CCDC47: variants seen among roughly 807,000 people sequenced by gnomAD.
The protein encoded by CCDC47 is coiled-coil domain containing 47, also known as PAT complex subunit CCDC47.
In CCDC47, 41 loss-of-function variants were observed where a neutral mutation model predicts 60.5. The ratio of observed to expected loss-of-function variants is 0.68; its 90% CI spans 0.53 to 0.88. CCDC47 has a LOEUF of 0.88. CCDC47 is among the 40% of genes least tolerant of loss of function. The pLI, the probability that CCDC47 is intolerant of heterozygous loss-of-function variation, is 0.00. For missense variants in CCDC47, 513 were observed against 580.9 expected (o/e 0.88, Z 1.20); for synonymous variants, 195 against 190.7 (o/e 1.02, Z -0.18).
chr17:63,771,045 G>GAAGGAAGAAGAAAGA (rs759971442), intron 1 of CCDC47, among the ~76,000 whole-genome samples: 4 of 97,822 alleles, frequency 4.1e-5, no homozygotes, highest in South Asian at 4.0e-4. Context: ...AGGAAGGAAG[G>GAAGGAAGAAGAAAGA]AAGAAAGAAA....
chr17:63,756,700 A>T (rs2039210192), intron 6 of CCDC47, 130 bp from the exon 7 acceptor site: 3 of 632,102 alleles, frequency 4.7e-6, no homozygotes, highest in Non-Finnish European at 8.4e-6. Context: ...GGGATTTGCA[A>T]ATATGATGGA....
chr17:63,750,121 G>C (rs978125489), intron 12 of CCDC47, among the ~76,000 whole-genome samples: 1 of 151,996 alleles, frequency 6.6e-6, no homozygotes, highest in East Asian at 1.9e-4. Context: ...GATTTACATC[G>C]ACAAGAAGCT....
At position 63,752,371 on chromosome 17, in the gene CCDC47, G is replaced by C. The variant is rs2039173735; in HGVS notation, c.1152C>G (p.Asn384Lys). ...CTTTATCAATAGAATAAATCACCAT[G>C]TTCATCAGGGGTAGCAGTGCCTCCA... ...KDMEALLPLMNMVIYSIDKAK... is the reference protein window; with the variant it reads ...KDMEALLPLMKMVIYSIDKAK... The change falls in exon 11 of 13, where the codon AAC becomes AAG. Residue 384 changes from asparagine (N) to lysine (K), a missense_variant. By Grantham distance (94) the Asn-to-Lys change is moderately conservative. Transcript: ENST00000225726. 1 of 1,613,888 alleles carries C rather than the reference G, an allele frequency of 6.2e-7. No homozygotes were observed. The highest frequency in any genetic ancestry group is 1.3e-5 in the African/African-American group (1 of 74,912).
chr17:63,764,370 ATTCT>A (rs2039282506), intron 3 of CCDC47, among the ~76,000 whole-genome samples, 180 bp from the exon 4 acceptor site: 1 of 152,190 alleles, frequency 6.6e-6, no homozygotes. Context: ...TTGATAAAAG[ATTCT>A]TTAAGGAAAT....
chr17:63,761,846 T>C, intron 4 of CCDC47: 1 of 970,202 alleles, frequency 1.0e-6, no homozygotes, highest in Non-Finnish European at 1.2e-6. Context: ...GTTTTACTTT[T>C]AAAACTATTG....
intron 6 of CCDC47, among the ~76,000 whole-genome samples, chr17:63,757,524 G>C: frequency 6.6e-6 from 1 of 152,048 alleles, no homozygotes; most frequent in East Asian, 1.9e-4. Flanking sequence ...TAAAACCCTA[G>C]AGGACCCACT....
At chr17:63,759,508 A>T (rs865879708) in intron 6 of CCDC47, among the ~76,000 whole-genome samples, 762 of 19,622 alleles carry the variant, frequency 0.039, 85 homozygotes, top group South Asian at 0.069. Flanking sequence ...AAAAAAAAAA[A>T]ATATATATAT....
At position 63,759,541 on chromosome 17, in the gene CCDC47, A is replaced by ATC. The variant is rs1372862445; in HGVS notation, c.735+1372_735+1373insGA. On this transcript the variant is annotated intron_variant, in intron 6 of 12. Coordinates refer to ENST00000225726, the MANE Select transcript of CCDC47 (RefSeq NM_020198.3). ...TATATATATATTTATATATATATAT[A>ATC]TATATATATATATATATATATATAT... Among the ~76,000 whole-genome samples the ATC allele has an allele frequency of 1.9e-4, 9 of 47,610 alleles. 1 individual carries two copies. Among genetic ancestry groups the ATC allele is most frequent in the Non-Finnish European group, 1.2e-4 (3 of 25,850 alleles). 31.2% of individuals were successfully genotyped at this position (47,610 alleles called of 152,430 possible).
intron 6 of CCDC47, among the ~76,000 whole-genome samples, chr17:63,757,054 C>A (rs2039212736): frequency 6.6e-6 from 1 of 151,724 alleles, no homozygotes; most frequent in South Asian, 2.1e-4. Flanking sequence ...TGAGACCAGA[C>A]CCGATCTCTA....
At chr17:63,765,050 G>T in intron 2 of CCDC47, 1 of 676,524 alleles carries the variant, frequency 1.5e-6, no homozygotes. Context: ...GTGCAGCAAG[G>T]TGACTACAGT....
At chr17:63,766,714 T>G in intron 1 of CCDC47, 1 of 538,098 alleles carries the variant, frequency 1.9e-6, no homozygotes, top group South Asian at 8.2e-5. Context: ...TGTGAGCCAC[T>G]GTGCCCAGCC....
intron 12 of CCDC47, among the ~76,000 whole-genome samples, chr17:63,749,151 A>C (rs1051107397): frequency 6.6e-6 from 1 of 152,090 alleles, no homozygotes; most frequent in African/African-American, 2.4e-5. Flanking sequence ...TCACGCCTGT[A>C]ATCCCAGCAC....
In CCDC47 at chr17:63,748,769, T is replaced by G. The variant is rs1052463765; in HGVS notation, c.1372-1808A>C. Among the ~76,000 whole-genome samples, 5 of 151,870 alleles carry G rather than the reference T, an allele frequency of 3.3e-5. No homozygotes were observed. The East Asian group carries it at 5.9e-4, about 18-fold the overall frequency. On this transcript the variant is annotated intron_variant, in intron 12 of 12. Transcript: ENST00000225726. ...ATGTGGTGAAACCTCGCCTACACTT[T>G]GGGAGGCTGAGGTGGGTGGATTACT...
chr17:63,773,291 G>T (rs1444932214), intron 1 of CCDC47, 121 bp downstream of exon 1: 1 of 152,356 alleles, frequency 6.6e-6, no homozygotes, highest in Non-Finnish European at 1.5e-5. Context: ...AGCTCCGTGG[G>T]AAAGTTCCCC....
At chr17:63,759,785 G>A (rs923064983) in intron 6 of CCDC47, among the ~76,000 whole-genome samples, 1 of 151,054 alleles carries the variant, frequency 6.6e-6, no homozygotes, top group African/African-American at 2.4e-5. Context: ...GAATGAAGAG[G>A]CCGGGTGCAG....
At chr17:63,761,774 A>G (rs978743656) in intron 4 of CCDC47, 5 of 955,194 alleles carry the variant, frequency 5.2e-6, no homozygotes, top group Non-Finnish European at 6.2e-6. Context: ...GCTTCAGAGT[A>G]GCAATACTTT....
chr17:63,747,292 T>C (rs997672163), intron 12 of CCDC47: 5 of 984,688 alleles, frequency 5.1e-6, no homozygotes, highest in East Asian at 1.1e-4. Flanking sequence ...ATGTTCACCA[T>C]ACCATTCATG....
intron 6 of CCDC47, among the ~76,000 whole-genome samples, chr17:63,757,783 T>C (rs1268917793): frequency 1.3e-5 from 2 of 152,204 alleles, no homozygotes; most frequent in African/African-American, 2.4e-5. Context: ...CCTTTGAATT[T>C]CCTGAATAAC....
Position 63,752,055 on chromosome 17 carries a change from T to C in CCDC47, c.1256A>G (p.Lys419Arg). 1.2e-6 allele frequency: 2 copies of C among 1,613,896 alleles called. No homozygotes were observed. Among genetic ancestry groups the C allele is most frequent in the East Asian group, 4.5e-5 (2 of 44,882 alleles). ...NRARVEENFL[K>R]LTHVQRQEAA... ...TTCCTGTCTTTGCACATGTGTCAGT[T>C]TCAAGAAGTTCTCTTCTACTCGGGC... Residue 419 changes from lysine to arginine, a missense_variant, in exon 12 of 13, where the codon AAA becomes AGA. Transcript: ENST00000225726.
Sources: allele counts gnomAD v4.1 joint callset (sites outside exome capture counted in the v4.1 genomes callset), GRCh38; gene constraint gnomAD v4.1.1; transcripts MANE v1.5; gene names NCBI Gene and HGNC (gene_info 2026-07-23, HGNC 2026-07-21).